Variants in CTNNA2 observed in about 807,000 individuals in gnomAD.
CTNNA2 encodes catenin alpha-2.
A neutral mutation model predicts 101.0 loss-of-function variants in CTNNA2; 42 were observed. That is an observed-to-expected ratio of 0.42 (90% CI 0.32 to 0.54). The LOEUF (loss-of-function observed/expected upper bound fraction) is 0.54, where lower values mean the gene tolerates loss of function less well. CTNNA2 is among the 20% of genes least tolerant of loss of function. The probability of loss-of-function intolerance (pLI) is 0.14; values close to 1 mark genes in which losing one functional copy is unlikely to be tolerated. For missense variants in CTNNA2, 871 were observed against 1,223.1 expected (o/e 0.71, Z 4.29); for synonymous variants, 450 against 456.4 (o/e 0.99, Z 0.18).
chr2:79,681,532 A>C (rs1683562207), intron 2 of CTNNA2, among the ~76,000 whole-genome samples: 1 of 152,340 alleles, frequency 6.6e-6, no homozygotes, highest in East Asian at 1.9e-4. Context: ...GGTGAATGAG[A>C]CAAGCACAAA....
intron 7 of CTNNA2, among the ~76,000 whole-genome samples, chr2:80,345,814 C>G (rs1672681499): frequency 6.6e-6 from 1 of 151,962 alleles, no homozygotes; most frequent in African/African-American, 2.4e-5. Flanking sequence ...GCTAATGTAT[C>G]TTCTTAAATT....
intron 9 of CTNNA2, among the ~76,000 whole-genome samples, chr2:80,530,242 C>T (rs182657030): frequency 3.9e-5 from 6 of 152,156 alleles, no homozygotes; most frequent in Admixed American, 1.3e-4. Context: ...TGCCCACCCC[C>T]GGCACTGCTC....
At chr2:79,456,664 C>T (rs1670825616) in intron 4 of CTNNA2, among the ~76,000 whole-genome samples, 1 of 152,086 alleles carries the variant, frequency 6.6e-6, no homozygotes, top group Non-Finnish European at 1.5e-5. Flanking sequence ...CAAATTCTGG[C>T]ATATGTTTTA....
At chr2:79,436,683 G>A (rs1436261253) in intron 4 of CTNNA2, among the ~76,000 whole-genome samples, 1 of 151,666 alleles carries the variant, frequency 6.6e-6, no homozygotes, top group Non-Finnish European at 1.5e-5. Flanking sequence ...CCAGGCTGCA[G>A]TGCAGTGGCG....
intron 7 of CTNNA2, among the ~76,000 whole-genome samples, chr2:79,970,224 G>C (rs1481120285): frequency 6.6e-6 from 1 of 152,150 alleles, no homozygotes; most frequent in African/African-American, 2.4e-5. Context: ...CAGTAATGGA[G>C]AGCAAGAGGA....
chr2:80,174,910 A>C (rs570973805), intron 7 of CTNNA2, among the ~76,000 whole-genome samples: 1 of 152,250 alleles, frequency 6.6e-6, no homozygotes, highest in African/African-American at 2.4e-5. Flanking sequence ...ATTTATTAGC[A>C]ACCCCTCTGG....
At chr2:80,365,046 T>G (rs1674791376) in intron 7 of CTNNA2, among the ~76,000 whole-genome samples, 1 of 152,128 alleles carries the variant, frequency 6.6e-6, no homozygotes, top group South Asian at 2.1e-4. Context: ...GTAACATCAC[T>G]TCTTTCTTTT....
chr2:80,114,584 C>T (rs1253805741), intron 7 of CTNNA2, among the ~76,000 whole-genome samples: 1 of 152,204 alleles, frequency 6.6e-6, no homozygotes, highest in Non-Finnish European at 1.5e-5. Flanking sequence ...CAAATGTTCA[C>T]ATGCAGTGTC....
At chr2:80,073,388 T>C (rs1698472234) in intron 7 of CTNNA2, among the ~76,000 whole-genome samples, 1 of 152,062 alleles carries the variant, frequency 6.6e-6, no homozygotes, top group African/African-American at 2.4e-5. Flanking sequence ...AGATTGTGTA[T>C]CTAGGTGATG....
At chr2:79,209,568 A>G (rs192312802) in intron 2 of CTNNA2, among the ~76,000 whole-genome samples, 116 of 152,306 alleles carry the variant, frequency 7.6e-4, no homozygotes, top group Admixed American at 2.7e-3. Context: ...CTTTTCTGAA[A>G]ACTGTCTTTT....
intron 4 of CTNNA2, among the ~76,000 whole-genome samples, chr2:79,869,555 A>G (rs1682424622): frequency 6.6e-6 from 1 of 152,230 alleles, no homozygotes; most frequent in Non-Finnish European, 1.5e-5. Flanking sequence ...ATCATACTTT[A>G]ATAAAATATA....
intron 3 of CTNNA2, among the ~76,000 whole-genome samples, chr2:79,785,242 T>C (rs918451930): frequency 3.9e-5 from 6 of 152,202 alleles, no homozygotes; most frequent in African/African-American, 1.2e-4. Context: ...CCAAAGGCCT[T>C]ACAGGCCCCA....
chr2:79,508,792 TA>T (rs1360369805), upstream of CTNNA2, among the ~76,000 whole-genome samples: 1 of 151,586 alleles, frequency 6.6e-6, no homozygotes, highest in Admixed American at 6.6e-5. Context: ...TCATAGACAT[TA>T]AAAAACTTGT....
intron 3 of CTNNA2, among the ~76,000 whole-genome samples, chr2:79,759,578 T>C (rs1256022518): frequency 6.6e-6 from 1 of 152,156 alleles, no homozygotes; most frequent in Non-Finnish European, 1.5e-5. Flanking sequence ...TTGCATCACA[T>C]AAAGTTGAGC....
chr2:80,469,821 A>G (rs1053871209), intron 9 of CTNNA2, among the ~76,000 whole-genome samples: 2 of 152,170 alleles, frequency 1.3e-5, no homozygotes, highest in Admixed American at 6.5e-5. Context: ...ACCTTTAAGC[A>G]AAAGGGAGGT....
At chr2:80,118,310 G>T (rs1446691645) in intron 7 of CTNNA2, among the ~76,000 whole-genome samples, 1 of 152,168 alleles carries the variant, frequency 6.6e-6, no homozygotes, top group Non-Finnish European at 1.5e-5. Flanking sequence ...GCCTTCTAGG[G>T]CAAGTCGTCA....
chr2:79,848,160 C>A (rs1680388132), intron 3 of CTNNA2, among the ~76,000 whole-genome samples: 1 of 152,122 alleles, frequency 6.6e-6, no homozygotes, highest in African/African-American at 2.4e-5. Flanking sequence ...TGCTTATATG[C>A]TTTACAAGAT....
chr2:79,881,172 T>A (rs576681963), intron 6 of CTNNA2, among the ~76,000 whole-genome samples: 17 of 152,316 alleles, frequency 1.1e-4, no homozygotes, highest in African/African-American at 3.8e-4. Flanking sequence ...CACTGTGGTC[T>A]GAGAGACTGT....
chr2:80,255,153 A>G (rs562256570), intron 7 of CTNNA2, among the ~76,000 whole-genome samples: 1 of 152,278 alleles, frequency 6.6e-6, no homozygotes, highest in Non-Finnish European at 1.5e-5. Flanking sequence ...TGTTTGAGCA[A>G]ATTGATTTCC....
Sources: allele counts gnomAD v4.1 joint callset (sites outside exome capture counted in the v4.1 genomes callset), GRCh38; gene constraint gnomAD v4.1.1; transcripts MANE v1.5; gene names NCBI Gene and HGNC (gene_info 2026-07-23, HGNC 2026-07-21).